The following GRID2 variants were observed in gnomAD, a reference collection of about 807,000 sequenced individuals.
GRID2 encodes glutamate ionotropic receptor delta type subunit 2.
GRID2 carries 33 observed loss-of-function variants against 114.8 expected under a neutral mutation model. The observed-to-expected ratio is 0.29, with a 90% CI of 0.22 to 0.38. The LOEUF (loss-of-function observed/expected upper bound fraction) is 0.38. Among genes scored for constraint, GRID2 ranks in the 10% least tolerant of loss-of-function variants. The probability of loss-of-function intolerance (pLI) is 1.00; values close to 1 mark genes in which losing one functional copy is unlikely to be tolerated. For synonymous variants in GRID2, 505 were observed against 449.9 expected, an observed-to-expected ratio of 1.12 and a Z score of -1.55; for missense variants, 1,184 against 1,257.7, an observed-to-expected ratio of 0.94 and a Z score of 0.89.
chr4:92,581,173 GC>G, intron 1 of GRID2, among the ~76,000 whole-genome samples: 1 of 149,918 alleles, frequency 6.7e-6, no homozygotes, highest in South Asian at 2.1e-4. Flanking sequence ...AGATATTTGA[GC>G]TTTCACTGTC....
intron 2 of GRID2, among the ~76,000 whole-genome samples, chr4:93,003,581 A>G (rs1228563328): frequency 6.6e-6 from 1 of 151,982 alleles, no homozygotes; most frequent in African/African-American, 2.4e-5. Flanking sequence ...CACTATTTTG[A>G]GCAATCTTTG....
Position 93,049,684 on chromosome 4 carries a change from T to G in GRID2, c.245-35311T>G, listed in dbSNP as rs544225111. Among the ~76,000 whole-genome samples the G allele has an allele frequency of 2.6e-5, 4 of 152,114 alleles. No individual in the cohort carries two copies. The East Asian group carries it at 7.7e-4, about 29-fold the overall frequency. On this transcript the variant is annotated intron_variant, in intron 2 of 15. Coordinates refer to ENST00000282020, the MANE Select transcript of GRID2 (RefSeq NM_001510.4). The stretch of plus-strand genomic sequence containing the variant: ...ACCCAGGGAAATGAAAAATATTTGT[T>G]ACTTATAAATGGTATAATTAAAAAT...
intron 1 of GRID2, among the ~76,000 whole-genome samples, chr4:92,521,566 T>C (rs1485898571): frequency 1.3e-5 from 2 of 152,126 alleles, no homozygotes; most frequent in South Asian, 2.1e-4. Context: ...CAGAGAATCA[T>C]TTATTGAATA....
At position 93,418,022 on chromosome 4, in the gene GRID2, T is replaced by C. The variant is rs1208179808; in HGVS notation, c.1348-4749T>C. Among the ~76,000 whole-genome samples the C allele has an allele frequency of 3.3e-5, 5 of 150,302 alleles. No individual in the cohort carries two copies. In the East Asian group the frequency reaches 9.7e-4, roughly 29 times the overall value. On this transcript the variant is annotated intron_variant, in intron 9 of 15. Transcript: ENST00000282020. ...ATGCATATTCATACTAGATAAATATTGATGTAATACGTAAAACCAAGTAAT... is the reference window on the plus strand; with the variant it reads ...ATGCATATTCATACTAGATAAATATCGATGTAATACGTAAAACCAAGTAAT...
intron 1 of GRID2, among the ~76,000 whole-genome samples, chr4:93,791,943 A>G (rs1221561134): frequency 6.6e-6 from 1 of 152,222 alleles, no homozygotes; most frequent in Non-Finnish European, 1.5e-5. Context: ...CCATCATTTA[A>G]GCCCTTTAGG....
chr4:93,439,537 T>C (rs1340034323), intron 10 of GRID2, among the ~76,000 whole-genome samples: 1 of 152,038 alleles, frequency 6.6e-6, no homozygotes, highest in Non-Finnish European at 1.5e-5. Flanking sequence ...AAGTGAATAA[T>C]GTTGAGAATT....
At chr4:93,291,649 T>C (rs1753771796) in intron 8 of GRID2, among the ~76,000 whole-genome samples, 1 of 152,240 alleles carries the variant, frequency 6.6e-6, no homozygotes, top group African/African-American at 2.4e-5. Flanking sequence ...GAGAAGCATG[T>C]AAATCCAAGT....
rs141719513 is a variant in GRID2 at position 92,460,803 on chromosome 4, C to G, written c.89-129328C>G. On this transcript the variant is annotated intron_variant, in intron 1 of 15. Transcript: ENST00000282020. Reference sequence around the variant, plus strand: ...TTAGTAAAATTGAGCATTTACCTCACTGTTTTTCTTTTTCAAAAGACATAT... The same window carrying G: ...TTAGTAAAATTGAGCATTTACCTCAGTGTTTTTCTTTTTCAAAAGACATAT... Among the ~76,000 whole-genome samples, 130 of 152,128 alleles carry G rather than the reference C, an allele frequency of 8.5e-4. 1 individual carries two copies. Among genetic ancestry groups the G allele is most frequent in the African/African-American group, 3.0e-3 (123 of 41,558 alleles).
intron 8 of GRID2, among the ~76,000 whole-genome samples, chr4:93,263,998 A>G (rs1750532846): frequency 6.6e-6 from 1 of 152,124 alleles, no homozygotes. Flanking sequence ...CATAGCTTGA[A>G]ATTATCATCT....
At chr4:93,393,521 A>T (rs1765049927) in intron 8 of GRID2, among the ~76,000 whole-genome samples, 1 of 152,094 alleles carries the variant, frequency 6.6e-6, no homozygotes, top group African/African-American at 2.4e-5. Flanking sequence ...AGGTTAGAAG[A>T]TTAGATATAT....
At chr4:93,180,794 T>C (rs1739821084) in intron 4 of GRID2, among the ~76,000 whole-genome samples, 1 of 152,176 alleles carries the variant, frequency 6.6e-6, no homozygotes, top group African/African-American at 2.4e-5. Context: ...ATCATGAGAT[T>C]GCAGGAATCC....
intron 4 of GRID2, among the ~76,000 whole-genome samples, chr4:93,163,540 A>C (rs1301150847): frequency 6.7e-6 from 1 of 149,710 alleles, no homozygotes; most frequent in Non-Finnish European, 1.5e-5. Flanking sequence ...CTGGGATTAC[A>C]GGTGTGAATC....
chr4:92,854,667 T>TA (rs1744055982), intron 2 of GRID2, among the ~76,000 whole-genome samples: 1 of 152,018 alleles, frequency 6.6e-6, no homozygotes, highest in South Asian at 2.1e-4. Flanking sequence ...ATATATGTTT[T>TA]AAAAAATTAC....
chr4:93,096,899 AG>A (rs1364380930), intron 3 of GRID2, among the ~76,000 whole-genome samples: 8 of 152,032 alleles, frequency 5.3e-5, no homozygotes, highest in Admixed American at 1.3e-4. Context: ...CAAAACTGGA[AG>A]CAACTCTAAT....
intron 4 of GRID2, among the ~76,000 whole-genome samples, chr4:93,185,974 C>A (rs1411169861): frequency 6.6e-6 from 1 of 152,064 alleles, no homozygotes; most frequent in Non-Finnish European, 1.5e-5. Context: ...TGAATTCCCA[C>A]CTATGAGTGA....
intron 14 of GRID2, among the ~76,000 whole-genome samples, chr4:93,724,754 T>A: frequency 6.6e-6 from 1 of 151,994 alleles, no homozygotes; most frequent in Admixed American, 6.6e-5. Flanking sequence ...AGAGAGGTCC[T>A]CACTGCACCA....
intron 9 of GRID2, among the ~76,000 whole-genome samples, chr4:93,415,767 T>A (rs1767640567): frequency 6.6e-6 from 1 of 152,038 alleles, no homozygotes; most frequent in East Asian, 1.9e-4. Flanking sequence ...TAAAAATCAA[T>A]CATCTTGCAT....
chr4:93,263,272 T>A (rs922578471), intron 8 of GRID2, among the ~76,000 whole-genome samples: 1 of 152,002 alleles, frequency 6.6e-6, no homozygotes, highest in Non-Finnish European at 1.5e-5. Flanking sequence ...AAGTAGTAAT[T>A]TCAATACAGT....
intron 8 of GRID2, among the ~76,000 whole-genome samples, chr4:93,343,142 CTGTGTGTGTG>C (rs150132437): frequency 1.2e-4 from 5 of 40,188 alleles, no homozygotes; most frequent in Non-Finnish European, 3.3e-4. Context: ...TGTGAGGTGA[CTGTGTGTGTG>C]TGTGTGTGTG....
Sources: gnomAD v4.1 joint callset for allele counts (sites outside exome capture counted in the v4.1 genomes callset) on GRCh38, gnomAD v4.1.1 for gene constraint, MANE v1.5 for transcripts, NCBI Gene and HGNC (gene_info 2026-07-23, HGNC 2026-07-21) for gene names.